EDIL3: variants seen among roughly 807,000 people sequenced by gnomAD.
The protein encoded by EDIL3 is EGF like and discoidin domains 3, also known as EGF-like repeat and discoidin I-like domain-containing protein 3.
In EDIL3, 37 loss-of-function variants were observed where a neutral mutation model predicts 67.4. The observed-to-expected ratio is 0.55, with a 90% CI of 0.42 to 0.72. The LOEUF (loss-of-function observed/expected upper bound fraction) is 0.72, where lower values mean the gene tolerates loss of function less well. Ranked by LOEUF, EDIL3 falls within the 30% of genes least tolerant of loss-of-function variation. EDIL3 has a pLI of 0.00. For missense variants in EDIL3, 527 were observed against 586.3 expected (o/e 0.90, Z 1.04); for synonymous variants, 195 against 196.3 (o/e 0.99, Z 0.05).
intron 1 of EDIL3, among the ~76,000 whole-genome samples, chr5:84,281,594 T>C (rs756098011): frequency 1.1e-4 from 17 of 152,314 alleles, no homozygotes; most frequent in Non-Finnish European, 2.1e-4. Flanking sequence ...AAATGGCAAG[T>C]ACACATTTTT....
intron 1 of EDIL3, among the ~76,000 whole-genome samples, chr5:84,261,094 G>GT (rs1458771579): frequency 6.6e-6 from 1 of 152,060 alleles, no homozygotes; most frequent in African/African-American, 2.4e-5. Flanking sequence ...GAAAATAAAG[G>GT]TTTTGCCTTC....
intron 1 of EDIL3, among the ~76,000 whole-genome samples, chr5:84,266,610 G>A (rs1745353313): frequency 6.6e-6 from 1 of 152,188 alleles, no homozygotes; most frequent in Admixed American, 6.5e-5. Flanking sequence ...GCCTTGGCAA[G>A]GAACTAATGG....
chr5:83,988,100 C>G (rs1287801690), intron 9 of EDIL3, among the ~76,000 whole-genome samples: 2 of 151,976 alleles, frequency 1.3e-5, no homozygotes, highest in African/African-American at 4.8e-5. Flanking sequence ...CAAATCCACA[C>G]TAAAATTGAT....
chr5:84,067,755 C>G (rs1746669924), intron 6 of EDIL3, among the ~76,000 whole-genome samples: 3 of 152,112 alleles, frequency 2.0e-5, no homozygotes, highest in African/African-American at 7.2e-5. Flanking sequence ...TCTCATCTTC[C>G]CCGTTGAAAC....
rs1283721662 is a variant in EDIL3, at chr5:84,254,859, G to A, written c.68-647C>T. Among the ~76,000 whole-genome samples the A allele has an allele frequency of 2.0e-5, 3 of 152,176 alleles. No homozygotes were observed. The South Asian group carries it at 6.2e-4, about 31-fold the overall frequency. On this transcript the variant is annotated intron_variant, in intron 1 of 10. Coordinates refer to ENST00000296591, the MANE Select transcript of EDIL3 (RefSeq NM_005711.5). ...TGACATAACAGAAACCCCACAATAC[G>A]TGGCCTTGGCTGTGGCAATGGGTGG...
intron 4 of EDIL3, 69 bp from the exon 5 acceptor site, chr5:84,137,423 A>C (rs1267091358): frequency 2.2e-6 from 3 of 1,364,892 alleles, no homozygotes; most frequent in Non-Finnish European, 3.1e-6. Context: ...GGAAAGTTTT[A>C]ACATTTGAAA....
chr5:84,253,867 T>C (rs895238138), intron 2 of EDIL3, among the ~76,000 whole-genome samples: 3 of 151,896 alleles, frequency 2.0e-5, no homozygotes, highest in Admixed American at 1.3e-4. Flanking sequence ...TTAAATTTAG[T>C]GTTAATTACT....
chr5:84,303,771 G>A (rs115495964), intron 1 of EDIL3, among the ~76,000 whole-genome samples: 1,656 of 150,636 alleles, frequency 0.011, 27 homozygotes, highest in African/African-American at 0.038. Context: ...TCCACTTCCC[G>A]GAGGCATCAA....
intron 1 of EDIL3, among the ~76,000 whole-genome samples, chr5:84,301,860 C>T (rs986242210): frequency 6.6e-5 from 10 of 152,090 alleles, no homozygotes; most frequent in African/African-American, 2.4e-4. Flanking sequence ...TATTTCTTCA[C>T]CTAGGTTCAG....
intron 3 of EDIL3, among the ~76,000 whole-genome samples, chr5:84,182,471 A>T (rs551707531): frequency 8.6e-5 from 13 of 150,514 alleles, no homozygotes; most frequent in African/African-American, 2.7e-4. Context: ...ACTAAACTTT[A>T]AAAAAAACAA....
chr5:84,041,606 A>C (rs970525921), intron 9 of EDIL3, among the ~76,000 whole-genome samples: 1 of 148,106 alleles, frequency 6.8e-6, no homozygotes, highest in African/African-American at 2.5e-5. Flanking sequence ...ATATGTATAT[A>C]CACACATATA....
intron 9 of EDIL3, among the ~76,000 whole-genome samples, chr5:83,997,672 T>G (rs1745258222): frequency 6.6e-6 from 1 of 152,132 alleles, no homozygotes; most frequent in Non-Finnish European, 1.5e-5. Flanking sequence ...TAACAAAGAC[T>G]TAAGAGTGGA....
At position 84,137,300 on chromosome 5, in the gene EDIL3, A is replaced by G; in HGVS notation, c.410T>C (p.Leu137Pro). ...GCACTCACAGGAATAGTTAGCAACA[A>G]GATCTGTACATATTCCACCATTTTT... ...PCKNGGICTD[L>P]VANYSCECPG... is the part of the protein sequence containing the mutation. The change falls in exon 5 of 11, where the codon CTT (leucine) becomes CCT (proline). Residue 137 changes from leucine (L) to proline (P), a missense_variant. Transcript: ENST00000296591. 6.2e-7 allele frequency: 1 copy of G among 1,613,788 alleles called. No individual in the cohort carries two copies. The highest frequency in any genetic ancestry group is 1.1e-5 in the South Asian group (1 of 91,040).
intron 1 of EDIL3, among the ~76,000 whole-genome samples, chr5:84,346,489 A>C (rs1747242582): frequency 6.6e-6 from 1 of 152,124 alleles, no homozygotes; most frequent in Non-Finnish European, 1.5e-5. Flanking sequence ...TGAACAACTG[A>C]CCTTGTCAAT....
chr5:84,346,475 A>G (rs1747242511), intron 1 of EDIL3, among the ~76,000 whole-genome samples: 1 of 152,268 alleles, frequency 6.6e-6, no homozygotes, highest in Admixed American at 6.5e-5. Context: ...CCCGATCTAT[A>G]TTTTGAACAA....
intron 4 of EDIL3, among the ~76,000 whole-genome samples, chr5:84,159,919 C>T (rs1435477384): frequency 6.6e-6 from 1 of 152,040 alleles, no homozygotes; most frequent in African/African-American, 2.4e-5. Context: ...ACTGCTTTAT[C>T]TCATAATATT....
At chr5:84,189,707 A>T (rs61122870) in intron 3 of EDIL3, among the ~76,000 whole-genome samples, 6,294 of 152,064 alleles carry the variant, frequency 0.041, 408 homozygotes, top group East Asian at 0.34. Context: ...ATGTTTTATT[A>T]CTCAAAGAGA....
intron 3 of EDIL3, among the ~76,000 whole-genome samples, chr5:84,200,277 G>T (rs1743804427): frequency 6.6e-6 from 1 of 151,946 alleles, no homozygotes; most frequent in South Asian, 2.1e-4. Context: ...TAAAAAAGCA[G>T]AGTATTAATT....
chr5:84,076,107 CA>C (rs1327846687), intron 6 of EDIL3, among the ~76,000 whole-genome samples: 1 of 151,484 alleles, frequency 6.6e-6, no homozygotes, highest in Non-Finnish European at 1.5e-5. Context: ...CAAAAACAAA[CA>C]AAAATTTACT....
Sources: allele counts gnomAD v4.1 joint callset (sites outside exome capture counted in the v4.1 genomes callset), GRCh38; gene constraint gnomAD v4.1.1; transcripts MANE v1.5; gene names NCBI Gene and HGNC (gene_info 2026-07-23, HGNC 2026-07-21).